PLXNA2: variants seen among roughly 807,000 people sequenced by gnomAD.
PLXNA2 encodes plexin A2.
PLXNA2 carries 91 observed loss-of-function variants against 193.5 expected under a neutral mutation model. The observed-to-expected ratio is 0.47, with a 90% CI of 0.40 to 0.56. PLXNA2 has a LOEUF of 0.56. Ranked by LOEUF, PLXNA2 falls within the 20% of genes least tolerant of loss-of-function variation. The probability of loss-of-function intolerance (pLI) is 0.00; values close to 1 mark genes in which losing one functional copy is unlikely to be tolerated. For synonymous variants in PLXNA2, 997 were observed against 1,027.3 expected (o/e 0.97, Z 0.56); for missense variants, 1,995 against 2,503.2 (o/e 0.80, Z 4.33).
At chr1:208,206,299 A>G (rs900635819) in intron 3 of PLXNA2, among the ~76,000 whole-genome samples, 2 of 152,228 alleles carry the variant, frequency 1.3e-5, no homozygotes, top group Non-Finnish European at 2.9e-5. Flanking sequence ...CTCGTGACAT[A>G]GAAGCTGTTC....
intron 28 of PLXNA2, among the ~76,000 whole-genome samples, chr1:208,032,626 A>G (rs1411520752): frequency 6.6e-6 from 1 of 150,488 alleles, no homozygotes. Context: ...TGGCTCTTTG[A>G]TTGTCATACT....
At chr1:208,203,173 A>G (rs1670605123) in intron 3 of PLXNA2, among the ~76,000 whole-genome samples, 1 of 152,208 alleles carries the variant, frequency 6.6e-6, no homozygotes, top group Non-Finnish European at 1.5e-5. Flanking sequence ...AGCTTTCAGA[A>G]GACCAGTTCT....
chr1:208,154,379 G>A (rs1571975404), intron 3 of PLXNA2, among the ~76,000 whole-genome samples: 1 of 152,200 alleles, frequency 6.6e-6, no homozygotes, highest in Non-Finnish European at 1.5e-5. Flanking sequence ...TAGGCAAAGT[G>A]CAGCCTCTAT....
chr1:208,133,670 T>C (rs1390281902), intron 4 of PLXNA2, among the ~76,000 whole-genome samples: 2 of 152,242 alleles, frequency 1.3e-5, no homozygotes, highest in African/African-American at 4.8e-5. Flanking sequence ...TCAGGAACTC[T>C]CTTGGGCCTA....
chr1:208,209,983 ATTTTTTT>A (rs1553297870), intron 3 of PLXNA2: 11 of 87,964 alleles, frequency 1.3e-4, no homozygotes, highest in East Asian at 1.2e-3. Flanking sequence ...ATGAAGAGCA[ATTTTTTT>A]TTTTTTTTTT....
chr1:208,058,499 G>A (rs761817231), intron 13 of PLXNA2, among the ~76,000 whole-genome samples: 3 of 152,170 alleles, frequency 2.0e-5, no homozygotes, highest in Non-Finnish European at 2.9e-5. Context: ...CATCTGTAAC[G>A]ATTGTGCCTG....
chr1:208,151,544 G>C (rs1668762188), intron 3 of PLXNA2, among the ~76,000 whole-genome samples: 1 of 152,150 alleles, frequency 6.6e-6, no homozygotes, highest in Non-Finnish European at 1.5e-5. Flanking sequence ...TCAAAAGGGG[G>C]CAGGACAAGG....
chr1:208,066,642 A>G (rs1665804339), intron 12 of PLXNA2, among the ~76,000 whole-genome samples: 1 of 149,474 alleles, frequency 6.7e-6, no homozygotes, highest in Middle Eastern at 3.4e-3. Context: ...TTGTTATTTT[A>G]GAGTGTACTC....
chr1:208,096,185 G>C (rs976991237), intron 7 of PLXNA2, 60 bp from the exon 8 acceptor site: 3 of 1,268,592 alleles, frequency 2.4e-6, no homozygotes, highest in Admixed American at 3.4e-5. Flanking sequence ...CCAGTGGACA[G>C]CCACAAAAAT....
In PLXNA2 at chr1:208,194,287, G is replaced by A. The variant is rs1194255729; in HGVS notation, c.1371+15993C>T. ...GCCTGCTGTTAATGAGCTGATCTGG[G>A]GGAAAGGGCCGAATGAAAATGAACA... On this transcript the variant is annotated intron_variant, in intron 3 of 31. Coordinates refer to ENST00000367033, the MANE Select transcript of PLXNA2 (RefSeq NM_025179.4). 3.3e-5 allele frequency among the ~76,000 whole-genome samples: 5 copies of A among 151,858 alleles called. No individual in the cohort carries two copies. In the East Asian group the frequency reaches 9.7e-4, roughly 29 times the overall value.
rs553031222 is a variant in PLXNA2, at chr1:208,115,757, A to G, written c.1507-12510T>C. On this transcript the variant is annotated intron_variant, in intron 4 of 31. Coordinates refer to ENST00000367033, the MANE Select transcript of PLXNA2 (RefSeq NM_025179.4). ...AAGACAGACACACCTCCCAAACTAT[A>G]ATGAAATATTAGCAATATGATTGAG... Among the ~76,000 whole-genome samples, 34 of 152,316 alleles carry G rather than the reference A, an allele frequency of 2.2e-4. No individual in the cohort carries two copies. In the South Asian group the frequency reaches 3.3e-3, roughly 15 times the overall value.
intron 12 of PLXNA2, among the ~76,000 whole-genome samples, chr1:208,069,968 C>T (rs561724225): frequency 1.8e-4 from 28 of 152,308 alleles, no homozygotes; most frequent in Non-Finnish European, 3.1e-4. Flanking sequence ...TCCCATTTTT[C>T]GGATGAGAAA....
At chr1:208,090,833 T>C (rs868084004) in intron 9 of PLXNA2, among the ~76,000 whole-genome samples, 1 of 152,222 alleles carries the variant, frequency 6.6e-6, no homozygotes. Context: ...TCTCATACTC[T>C]CTCACTGCTC....
chr1:208,221,093 G>A (rs950956399), intron 1 of PLXNA2, among the ~76,000 whole-genome samples: 2 of 152,184 alleles, frequency 1.3e-5, no homozygotes, highest in African/African-American at 4.8e-5. Context: ...CACAGGGCAG[G>A]AAGAAAGGTG....
chr1:208,043,376 G>C (rs1250972618), intron 20 of PLXNA2, among the ~76,000 whole-genome samples, 173 bp from the exon 21 acceptor site: 1 of 152,134 alleles, frequency 6.6e-6, no homozygotes, highest in African/African-American at 2.4e-5. Context: ...AGGTGGTGGG[G>C]AAATGGGTGA....
intron 14 of PLXNA2, 103 bp from the exon 15 acceptor site, chr1:208,052,566 G>T: frequency 1.8e-6 from 2 of 1,129,712 alleles, no homozygotes; most frequent in Non-Finnish European, 1.3e-6. Flanking sequence ...TTCTGGGCGT[G>T]GTGGTACTTG....
At chr1:208,195,884 G>A (rs570349755) in intron 3 of PLXNA2, among the ~76,000 whole-genome samples, 30 of 151,908 alleles carry the variant, frequency 2.0e-4, no homozygotes, top group African/African-American at 6.5e-4. Flanking sequence ...CCACCAATCC[G>A]TCTGAGACTT....
At chr1:208,154,790 C>T (rs138891705) in intron 3 of PLXNA2, among the ~76,000 whole-genome samples, 8 of 152,282 alleles carry the variant, frequency 5.3e-5, no homozygotes, top group South Asian at 2.1e-4. Flanking sequence ...GTGGAGGCCA[C>T]GCAGGGGCAC....
Position 208,096,042 on chromosome 1 carries a change from T to C in PLXNA2, c.1969A>G (p.Ser657Gly). The C allele has an allele frequency of 1.2e-6, 2 of 1,613,356 alleles. No homozygotes were observed. The highest frequency in any genetic ancestry group is 1.7e-6 in the Non-Finnish European group (2 of 1,179,276). ...ATAAGCACTTACAGTTGGTGGGCAC[T>C]GCAGTTGTAAAACTTGAACTCGGTG... ...VSTEFKFYNCSAHQLCLSCVN... is the reference protein window; with the variant it reads ...VSTEFKFYNCGAHQLCLSCVN... Residue 657 changes from serine (S) to glycine (G), a missense_variant, in exon 8 of 32, where the codon AGT becomes GGT. By Grantham distance (56) the Ser-to-Gly change is moderately conservative (BLOSUM62 0). Coordinates refer to ENST00000367033, the MANE Select transcript of PLXNA2 (RefSeq NM_025179.4).
Sources: allele counts gnomAD v4.1 joint callset (sites outside exome capture counted in the v4.1 genomes callset), GRCh38; gene constraint gnomAD v4.1.1; transcripts MANE v1.5; gene names NCBI Gene and HGNC (gene_info 2026-07-23, HGNC 2026-07-21).